Variants in WWOX observed in about 807,000 individuals in gnomAD.
WWOX encodes WW domain-containing oxidoreductase.
In WWOX, 69 loss-of-function variants were observed where a neutral mutation model predicts 46.2. The observed-to-expected ratio is 1.49, with a 90% CI of 1.23 to 1.82. The LOEUF is 1.82. Among genes scored for constraint, WWOX ranks in the 40% most tolerant of loss-of-function variants. The probability of loss-of-function intolerance (pLI) is 0.00; values close to 1 mark genes in which losing one functional copy is unlikely to be tolerated. For missense variants in WWOX, 919 were observed against 542.6 expected, an observed-to-expected ratio of 1.69 and a Z score of -6.89; for synonymous variants, 359 against 202.6, an observed-to-expected ratio of 1.77 and a Z score of -6.56.
At chr16:78,548,939 C>T (rs1293912021) in intron 8 of WWOX, among the ~76,000 whole-genome samples, 1 of 152,118 alleles carries the variant, frequency 6.6e-6, no homozygotes, top group East Asian at 1.9e-4. Flanking sequence ...CCAAGTTTTG[C>T]CCCCCAAATA....
At chr16:79,039,583 G>C (rs936160654) in intron 8 of WWOX, among the ~76,000 whole-genome samples, 3 of 152,218 alleles carry the variant, frequency 2.0e-5, no homozygotes, top group South Asian at 4.1e-4. Context: ...ACTGTTGCCA[G>C]ATGCCAGCAC....
At chr16:78,582,478 C>G (rs560990635) in intron 8 of WWOX, among the ~76,000 whole-genome samples, 1 of 152,194 alleles carries the variant, frequency 6.6e-6, no homozygotes, top group South Asian at 2.1e-4. Flanking sequence ...ATTGGCTTGC[C>G]TACATTCTCT....
chr16:79,135,041 TTATAAA>T, intron 8 of WWOX, among the ~76,000 whole-genome samples: 1 of 152,292 alleles, frequency 6.6e-6, no homozygotes, highest in East Asian at 1.9e-4. Context: ...TTTTTCTCTC[TTATAAA>T]TAAAAAATAT....
chr16:78,440,612 GT>G (rs57345113), intron 8 of WWOX, among the ~76,000 whole-genome samples: 18,848 of 144,636 alleles, frequency 0.13, 1,479 homozygotes, highest in African/African-American at 0.23. Context: ...AATTTCTGTA[GT>G]TTTTTTTTTT....
At chr16:78,838,294 C>T (rs987276392) in intron 8 of WWOX, among the ~76,000 whole-genome samples, 1 of 152,018 alleles carries the variant, frequency 6.6e-6, no homozygotes, top group Non-Finnish European at 1.5e-5. Flanking sequence ...TGGGCCATGG[C>T]GTTGCAGAGT....
intron 3 of WWOX, among the ~76,000 whole-genome samples, chr16:78,112,879 T>C (rs1000027591): frequency 4.0e-5 from 6 of 151,566 alleles, no homozygotes; most frequent in African/African-American, 9.7e-5. Context: ...TTTAAAGACT[T>C]TTTTTTTGTA....
intron 8 of WWOX, among the ~76,000 whole-genome samples, chr16:78,466,342 GT>G (rs1448548078): frequency 6.6e-6 from 1 of 152,114 alleles, no homozygotes; most frequent in Non-Finnish European, 1.5e-5. Context: ...TTGGGTACAA[GT>G]TTCCTTTGGG....
intron 8 of WWOX, among the ~76,000 whole-genome samples, chr16:78,440,187 C>G (rs1262353171): frequency 1.3e-5 from 2 of 152,104 alleles, no homozygotes; most frequent in Non-Finnish European, 2.9e-5. Flanking sequence ...TCTCATTAAT[C>G]AAATGGAAAT....
At chr16:78,555,192 T>C (rs1474600854) in intron 8 of WWOX, among the ~76,000 whole-genome samples, 1 of 125,112 alleles carries the variant, frequency 8.0e-6, no homozygotes, top group Admixed American at 8.8e-5. Context: ...AAAAAAAAAT[T>C]CTAGTTTCTC....
At chr16:78,606,725 T>G (rs543393397) in intron 8 of WWOX, among the ~76,000 whole-genome samples, 12 of 149,000 alleles carry the variant, frequency 8.1e-5, no homozygotes, top group Admixed American at 7.4e-4. Flanking sequence ...GCAGTTTTTT[T>G]TTTTTTTTTT....
At chr16:78,740,968 A>T (rs2049209821) in intron 8 of WWOX, among the ~76,000 whole-genome samples, 1 of 152,182 alleles carries the variant, frequency 6.6e-6, no homozygotes, top group African/African-American at 2.4e-5. Flanking sequence ...CTGTGCAAAT[A>T]CAAGCCCTTC....
chr16:78,981,926 G>C (rs1185362329), intron 8 of WWOX: 2 of 152,144 alleles, frequency 1.3e-5, no homozygotes, highest in African/African-American at 4.8e-5. Context: ...CTGAAGATTT[G>C]GATGCTACAA....
At chr16:78,482,336 C>T (rs2738688) in intron 8 of WWOX, among the ~76,000 whole-genome samples, 1 of 151,934 alleles carries the variant, frequency 6.6e-6, no homozygotes, top group Admixed American at 6.6e-5. Flanking sequence ...ATTCTCCTTC[C>T]TCGGCCTCCG....
intron 5 of WWOX, among the ~76,000 whole-genome samples, chr16:78,236,627 C>T (rs1348949350): frequency 6.6e-6 from 1 of 152,118 alleles, no homozygotes; most frequent in African/African-American, 2.4e-5. Flanking sequence ...AGTGCATATT[C>T]TTGGCTCAAG....
chr16:79,190,502 G>C (rs2051113418), intron 8 of WWOX, among the ~76,000 whole-genome samples: 1 of 152,188 alleles, frequency 6.6e-6, no homozygotes, highest in Non-Finnish European at 1.5e-5. Flanking sequence ...CCCCAAGAGA[G>C]AGGCCTCACA....
chr16:78,559,043 C>G (rs74523177), intron 8 of WWOX, among the ~76,000 whole-genome samples: 1 of 152,292 alleles, frequency 6.6e-6, no homozygotes, highest in Non-Finnish European at 1.5e-5. Context: ...AAGATCTGGC[C>G]GCTACGTGGA....
intron 6 of WWOX, among the ~76,000 whole-genome samples, chr16:78,407,843 G>T (rs1251645929): frequency 6.6e-6 from 1 of 152,180 alleles, no homozygotes; most frequent in African/African-American, 2.4e-5. Context: ...TTGAGTCTGG[G>T]CAAACACGCA....
intron 8 of WWOX, among the ~76,000 whole-genome samples, chr16:78,656,181 GGTGGGTGGGTGTGTGTGA>G (rs2047076754): frequency 6.6e-6 from 1 of 151,864 alleles, no homozygotes; most frequent in South Asian, 2.1e-4. Context: ...TGTGTGTGTG[GGTGGGTGGGTGTGTGTGA>G]AAGGTAGGAT....
chr16:78,125,417 A>G (rs550630611), intron 4 of WWOX, among the ~76,000 whole-genome samples: 4 of 152,242 alleles, frequency 2.6e-5, no homozygotes, highest in Non-Finnish European at 5.9e-5. Context: ...TAAGCAGCTC[A>G]TTCATTTTGT....
Sources: allele counts gnomAD v4.1 joint callset (sites outside exome capture counted in the v4.1 genomes callset), GRCh38; gene constraint gnomAD v4.1.1; transcripts MANE v1.5; gene names NCBI Gene and HGNC (gene_info 2026-07-23, HGNC 2026-07-21).